FRMD4A: variants seen among roughly 807,000 people sequenced by gnomAD.
FRMD4A encodes FERM domain containing 4A, also known as FERM domain-containing protein 4A.
A neutral mutation model predicts 129.1 loss-of-function variants in FRMD4A; 29 were observed. The ratio of observed to expected loss-of-function variants is 0.22; its 90% CI spans 0.17 to 0.31. The LOEUF (loss-of-function observed/expected upper bound fraction) is 0.31. FRMD4A is among the 10% of genes least tolerant of loss of function. The pLI is 1.00. For synonymous variants in FRMD4A, 634 were observed against 571.6 expected, an observed-to-expected ratio of 1.11 and a Z score of -1.56; for missense variants, 1,272 against 1,375.8, an observed-to-expected ratio of 0.92 and a Z score of 1.19.
intron 2 of FRMD4A, among the ~76,000 whole-genome samples, chr10:14,196,297 T>G (rs758342991): frequency 6.6e-6 from 1 of 152,156 alleles, no homozygotes; most frequent in Non-Finnish European, 1.5e-5. Context: ...CTTGAGCTAC[T>G]CAAACTTGAC....
chr10:13,810,704 G>A (rs2093429858), intron 4 of FRMD4A, 110 bp downstream of exon 4: 1 of 548,520 alleles, frequency 1.8e-6, no homozygotes, highest in South Asian at 2.2e-5. Context: ...CCCAGACCAT[G>A]GGACCCAAGT....
chr10:14,130,613 A>AAAAAAG, intron 2 of FRMD4A, among the ~76,000 whole-genome samples: 1 of 152,170 alleles, frequency 6.6e-6, no homozygotes, highest in African/African-American at 2.4e-5. Context: ...TGTAAAAAGC[A>AAAAAAG]GTCCCCGGTG....
At chr10:13,937,442 G>A (rs979544770) in intron 2 of FRMD4A, among the ~76,000 whole-genome samples, 9 of 152,112 alleles carry the variant, frequency 5.9e-5, no homozygotes, top group Non-Finnish European at 8.8e-5. Context: ...CCAACCCAAC[G>A]CCCAGCCTTT....
At chr10:13,931,893 A>G (rs71479854) in intron 2 of FRMD4A, among the ~76,000 whole-genome samples, 62,329 of 151,506 alleles carry the variant, frequency 0.41, 13,081 homozygotes, top group Admixed American at 0.51. Flanking sequence ...AGGTTGCAAT[A>G]AGCCACGATT....
At position 13,706,840 on chromosome 10, in the gene FRMD4A, C is replaced by G. The variant is rs142543973; in HGVS notation, c.836+197G>C. Among the ~76,000 whole-genome samples, 718 of 151,826 alleles carry G rather than the reference C, an allele frequency of 4.7e-3. 2 individuals are homozygous for G. The highest frequency in any genetic ancestry group is 8.3e-3 in the Non-Finnish European group (562 of 67,944). ...GGGGATTGCTACTTACACACACGTG[C>G]GAACCCACTGCATTTATCAACACAT... On this transcript the variant is annotated intron_variant, in intron 13 of 24. Transcript: ENST00000357447.
chr10:13,792,317 G>A (rs2093020318), intron 5 of FRMD4A, among the ~76,000 whole-genome samples: 1 of 152,116 alleles, frequency 6.6e-6, no homozygotes, highest in South Asian at 2.1e-4. Flanking sequence ...TCCTGGCCCT[G>A]CCTATACAGG....
In FRMD4A at chr10:13,646,924, CG is replaced by C. The variant is rs2081149373; in HGVS notation, c.*113del. 1 of 910,508 alleles carries C rather than the reference CG, an allele frequency of 1.1e-6. No homozygotes were observed. The highest frequency in any genetic ancestry group is 1.8e-5 in the African/African-American group (1 of 55,894). 56.4% of individuals were successfully genotyped at this position (910,508 alleles called of 1,614,324 possible). A position where few individuals can be genotyped will look rare whatever the true frequency, so the allele number is the denominator to read the frequency against. ...TGGCGTTGAGGCGGTCAGATTAGGC[CG>C]GGCTGGCTCACACGAGGGTCCCGGG... On this transcript the variant is annotated 3_prime_UTR_variant, in exon 25 of 25. Transcript: ENST00000357447.
At chr10:14,150,878 T>C (rs1006578904) in intron 2 of FRMD4A, among the ~76,000 whole-genome samples, 17 of 152,214 alleles carry the variant, frequency 1.1e-4, no homozygotes, top group Non-Finnish European at 2.4e-4. Context: ...CAAGGCAGGT[T>C]ATCAATTTCA....
chr10:13,818,332 TA>T (rs869305945), intron 3 of FRMD4A, among the ~76,000 whole-genome samples: 21 of 151,792 alleles, frequency 1.4e-4, no homozygotes, highest in Middle Eastern at 3.4e-3. Context: ...GCTGGCTAAT[TA>T]AAAAAAAATT....
At chr10:14,250,393 G>C (rs142987760) in intron 2 of FRMD4A, among the ~76,000 whole-genome samples, 110 of 152,310 alleles carry the variant, frequency 7.2e-4, no homozygotes, top group Non-Finnish European at 1.2e-3. Flanking sequence ...TGAAAATGGC[G>C]TCTTGTTTTA....
chr10:13,725,894 A>G (rs747600698), intron 12 of FRMD4A, among the ~76,000 whole-genome samples: 1 of 152,246 alleles, frequency 6.6e-6, no homozygotes, highest in Non-Finnish European at 1.5e-5. Flanking sequence ...CTTATTCAAG[A>G]TGGAGAAAAT....
intron 2 of FRMD4A, among the ~76,000 whole-genome samples, chr10:14,045,414 G>A (rs977294726): frequency 4.6e-5 from 7 of 152,058 alleles, no homozygotes; most frequent in East Asian, 1.9e-4. Flanking sequence ...GTGGGTACTC[G>A]CTCTCTTAAT....
In FRMD4A at chr10:14,127,850, A is replaced by C. The variant is rs147465842; in HGVS notation, c.45+202208T>G. 1.6e-3 allele frequency among the ~76,000 whole-genome samples: 244 copies of C among 152,048 alleles called. 1 individual carries two copies. Among genetic ancestry groups the C allele is most frequent in the African/African-American group, 5.5e-3 (227 of 41,376 alleles). Reference sequence around the variant, plus strand: ...AATTCCATCACTCTGAAGCCTTCCTAAATTATCCCCAGCCTCTTTTATGGT... The same window carrying C: ...AATTCCATCACTCTGAAGCCTTCCTCAATTATCCCCAGCCTCTTTTATGGT... On this transcript the variant is annotated intron_variant, in intron 2 of 24. Transcript: ENST00000357447.
intron 16 of FRMD4A, among the ~76,000 whole-genome samples, chr10:13,671,120 AG>A (rs2083475199): frequency 6.6e-6 from 1 of 152,242 alleles, no homozygotes; most frequent in African/African-American, 2.4e-5. Context: ...CTACAGGAAT[AG>A]GCTGTACTTA....
intron 3 of FRMD4A, among the ~76,000 whole-genome samples, chr10:13,833,306 G>A (rs1386846942): frequency 1.3e-5 from 2 of 152,220 alleles, no homozygotes; most frequent in South Asian, 2.1e-4. Context: ...GAGAGCTTGT[G>A]CAGGGGAACT....
chr10:13,657,120 G>T lies in FRMD4A; in HGVS notation c.2469C>A (p.His823Gln). The T allele has an allele frequency of 6.4e-7, 1 of 1,550,690 alleles. No individual in the cohort carries two copies. Among genetic ancestry groups the T allele is most frequent in the South Asian group, 1.2e-5 (1 of 85,396 alleles). ...AGGAGGGVYL[H>Q]SQSQPSSQYR... ...ACTGCGAGCTGGGCTGGCTCTGGCT[G>T]TGCAGGTACACACCGCCCCCCGCGC... Residue 823 changes from histidine (H) to glutamine (Q), a missense_variant, in exon 22 of 25, where the codon CAC becomes CAA. Physicochemically the swap from His to Gln is conservative, Grantham distance 24. Around this residue, in one of 2 missense-constraint regions of FRMD4A, gnomAD observed 972 missense variants for 892.3 expected, o/e 1.09. Coordinates refer to ENST00000357447, the MANE Select transcript of FRMD4A (RefSeq NM_018027.5).
intron 2 of FRMD4A, among the ~76,000 whole-genome samples, chr10:14,037,252 T>A (rs1374127002): frequency 6.6e-6 from 1 of 152,166 alleles, no homozygotes; most frequent in Non-Finnish European, 1.5e-5. Flanking sequence ...TTTTCTTTAC[T>A]TTTTTTGAAA....
intron 12 of FRMD4A, among the ~76,000 whole-genome samples, chr10:13,727,427 G>C (rs1483808003): frequency 6.6e-6 from 1 of 152,086 alleles, no homozygotes; most frequent in Non-Finnish European, 1.5e-5. Context: ...TCTAATGATT[G>C]GTTAATGCTG....
intron 2 of FRMD4A, among the ~76,000 whole-genome samples, chr10:14,145,144 G>A (rs903033129): frequency 3.9e-5 from 6 of 152,104 alleles, no homozygotes; most frequent in East Asian, 1.9e-4. Context: ...GGACACATGC[G>A]GAGGCATCAA....
Sources: gnomAD v4.1 joint callset for allele counts (sites outside exome capture counted in the v4.1 genomes callset) on GRCh38, gnomAD v4.1.1 for gene constraint, gnomAD v4.1.1 regional missense constraint, MANE v1.5 for transcripts, NCBI Gene and HGNC (gene_info 2026-07-23, HGNC 2026-07-21) for gene names.